Variants in KSR1 observed in about 807,000 individuals in gnomAD.
The protein encoded by KSR1 is kinase suppressor of ras.
In KSR1, 35 loss-of-function variants were observed where a neutral mutation model predicts 92.9. The ratio of observed to expected loss-of-function variants is 0.38; its 90% CI spans 0.29 to 0.50. The LOEUF (loss-of-function observed/expected upper bound fraction) is 0.50, where lower values mean the gene tolerates loss of function less well. KSR1 is among the 20% of genes least tolerant of loss of function. The probability of loss-of-function intolerance (pLI) is 0.94; values close to 1 mark genes in which losing one functional copy is unlikely to be tolerated. For missense variants in KSR1, 972 were observed against 1,158.5 expected, an observed-to-expected ratio of 0.84 and a Z score of 2.34; for synonymous variants, 467 against 472.6, an observed-to-expected ratio of 0.99 and a Z score of 0.15.
chr17:27,507,958 C>T (rs1207135071), intron 1 of KSR1, among the ~76,000 whole-genome samples: 1 of 152,088 alleles, frequency 6.6e-6, no homozygotes, highest in African/African-American at 2.4e-5. Flanking sequence ...AGCCTGGCAG[C>T]TGCTGTCCTG....
At chr17:27,585,021 C>A (rs2072914753) in intron 4 of KSR1, among the ~76,000 whole-genome samples, 1 of 152,226 alleles carries the variant, frequency 6.6e-6, no homozygotes, top group African/African-American at 2.4e-5. Context: ...ACTGCAACCT[C>A]CACCTCCCGG....
intron 19 of KSR1, among the ~76,000 whole-genome samples, chr17:27,620,052 G>C (rs929187810): frequency 6.6e-6 from 1 of 152,244 alleles, no homozygotes; most frequent in African/African-American, 2.4e-5. Context: ...CAGTTGAGGA[G>C]AAACTCAGCA....
intron 1 of KSR1, among the ~76,000 whole-genome samples, chr17:27,495,635 C>T (rs757423483): frequency 1.3e-5 from 2 of 152,178 alleles, no homozygotes; most frequent in Non-Finnish European, 2.9e-5. Context: ...GCTGTCTCTA[C>T]CAGGTAACAC....
At chr17:27,546,728 G>A (rs1330488988) in intron 1 of KSR1, among the ~76,000 whole-genome samples, 1 of 152,158 alleles carries the variant, frequency 6.6e-6, no homozygotes, top group Non-Finnish European at 1.5e-5. Context: ...TTTGCCTCTG[G>A]TCTCACTGGG....
At chr17:27,621,294 T>A in intron 20 of KSR1, 21 bp downstream of exon 20, 1 of 398,764 alleles carries the variant, frequency 2.5e-6, no homozygotes, top group Non-Finnish European at 4.4e-6. Context: ...GTTACTTCCT[T>A]CGCTGGCTGC....
chr17:27,502,142 C>A (rs1440873663), intron 1 of KSR1, among the ~76,000 whole-genome samples: 1 of 152,202 alleles, frequency 6.6e-6, no homozygotes, highest in Non-Finnish European at 1.5e-5. Context: ...CTTGGCAGAG[C>A]CTTTCAGCTA....
At chr17:27,514,208 G>T (rs1232646300) in intron 1 of KSR1, among the ~76,000 whole-genome samples, 1 of 152,212 alleles carries the variant, frequency 6.6e-6, no homozygotes, top group Non-Finnish European at 1.5e-5. Context: ...ATAACACTCG[G>T]TCAGCCTGTG....
At chr17:27,573,341 T>C (rs1470563221) in intron 2 of KSR1, among the ~76,000 whole-genome samples, 1 of 152,252 alleles carries the variant, frequency 6.6e-6, no homozygotes, top group Non-Finnish European at 1.5e-5. Flanking sequence ...CTGTTTAGCA[T>C]TGCCATTGCT....
chr17:27,539,960 G>A (rs534914381), intron 1 of KSR1, among the ~76,000 whole-genome samples: 4 of 152,362 alleles, frequency 2.6e-5, no homozygotes, highest in Admixed American at 6.5e-5. Flanking sequence ...CACAACCTCC[G>A]TGGCACATAA....
intron 1 of KSR1, among the ~76,000 whole-genome samples, chr17:27,479,852 G>A (rs935799072): frequency 6.6e-6 from 1 of 152,176 alleles, no homozygotes; most frequent in Non-Finnish European, 1.5e-5. Flanking sequence ...TAACAGAGGG[G>A]TGGCGGCACC....
intron 15 of KSR1, among the ~76,000 whole-genome samples, chr17:27,608,411 A>G (rs990858891): frequency 2.0e-5 from 3 of 152,176 alleles, no homozygotes; most frequent in Non-Finnish European, 4.4e-5. Flanking sequence ...GCGATAATCC[A>G]TGCTGTGGGG....
chr17:27,601,198 CCTT>C, intron 10 of KSR1, 159 bp from the exon 11 acceptor site: 1 of 611,680 alleles, frequency 1.6e-6, no homozygotes, highest in East Asian at 2.9e-5. Flanking sequence ...CTCTTTTCCT[CCTT>C]CCTGCATGGT....
Position 27,574,952 on chromosome 17 carries a change from C to T in KSR1, c.373-2540C>T, listed in dbSNP as rs56231221. On this transcript the variant is annotated intron_variant, in intron 2 of 20. Coordinates refer to ENST00000644974, the MANE Select transcript of KSR1 (RefSeq NM_001394583.1). ...GCGCATCTTACTGCATTGTAGTTAC[C>T]TGTTTAAATGTCTGTCACTCCTCCC... Among the ~76,000 whole-genome samples the T allele has an allele frequency of 1.6e-3, 248 of 152,342 alleles. 1 individual carries two copies. The highest frequency in any genetic ancestry group is 5.6e-3 in the African/African-American group (232 of 41,574).
At chr17:27,597,024 C>T (rs2073365623) in intron 9 of KSR1, among the ~76,000 whole-genome samples, 1 of 152,208 alleles carries the variant, frequency 6.6e-6, no homozygotes, top group South Asian at 2.1e-4. Context: ...GCAGGAAAGG[C>T]TTCTGGGAAG....
At chr17:27,593,653 G>A (rs932991444) in intron 9 of KSR1, among the ~76,000 whole-genome samples, 1 of 152,232 alleles carries the variant, frequency 6.6e-6, no homozygotes, top group African/African-American at 2.4e-5. Flanking sequence ...GCCTGCACCT[G>A]TCCTCTCTCC....
chr17:27,482,038 G>T (rs974195520), intron 1 of KSR1, among the ~76,000 whole-genome samples: 1 of 152,132 alleles, frequency 6.6e-6, no homozygotes, highest in African/African-American at 2.4e-5. Flanking sequence ...GTTTTTGAGG[G>T]TTAAATGTTA....
intron 3 of KSR1, chr17:27,578,057 G>A (rs1026907687): frequency 6.4e-6 from 2 of 311,710 alleles, no homozygotes; most frequent in African/African-American, 4.5e-5. Flanking sequence ...TGAGCCAAGG[G>A]TGATTAGGGA....
chr17:27,570,088 A>AC (rs1213633892), intron 2 of KSR1, among the ~76,000 whole-genome samples: 1 of 151,976 alleles, frequency 6.6e-6, no homozygotes, highest in Non-Finnish European at 1.5e-5. Context: ...ACATGGAGAG[A>AC]CCTCCTTGGA....
intron 1 of KSR1, among the ~76,000 whole-genome samples, chr17:27,515,611 G>GTTTTTTTTTTT (rs770675553): frequency 2.8e-5 from 3 of 109,048 alleles, no homozygotes; most frequent in East Asian, 2.8e-4. Context: ...CTGCTTCGTA[G>GTTTTTTTTTTT]TTTTTTTTTT....
Sources: gnomAD v4.1 joint callset for allele counts (sites outside exome capture counted in the v4.1 genomes callset) on GRCh38, gnomAD v4.1.1 for gene constraint, MANE v1.5 for transcripts, NCBI Gene and HGNC (gene_info 2026-07-23, HGNC 2026-07-21) for gene names.